The following SAMD12 variants were observed in gnomAD, a reference collection of about 807,000 sequenced individuals.
SAMD12 encodes the protein sterile alpha motif domain-containing protein 12.
SAMD12 carries 9 observed loss-of-function variants against 15.0 expected under a neutral mutation model. The observed-to-expected ratio is 0.60, with a 90% CI of 0.36 to 1.05. SAMD12 has a LOEUF of 1.05. SAMD12 is among the 50% of genes least tolerant of loss of function. The probability of loss-of-function intolerance (pLI) is 0.01; values close to 1 mark genes in which losing one functional copy is unlikely to be tolerated. For synonymous variants in SAMD12, 86 were observed against 90.1 expected (o/e 0.96, Z 0.25); for missense variants, 230 against 234.2 (o/e 0.98, Z 0.12).
chr8:118,507,339 C>G (rs897208028), intron 2 of SAMD12, among the ~76,000 whole-genome samples: 2 of 152,086 alleles, frequency 1.3e-5, no homozygotes, highest in Non-Finnish European at 2.9e-5. Flanking sequence ...ATTATAATCA[C>G]CTGTATATAT....
At chr8:118,621,234 CTT>C (rs1386291555) in intron 1 of SAMD12, 1 of 153,678 alleles carries the variant, frequency 6.5e-6, no homozygotes, top group African/African-American at 2.4e-5. Flanking sequence ...TGTCTGTAAA[CTT>C]TGCTAAGCCC....
chr8:118,599,051 G>A (rs1827792800), intron 1 of SAMD12, among the ~76,000 whole-genome samples: 1 of 152,188 alleles, frequency 6.6e-6, no homozygotes, highest in Non-Finnish European at 1.5e-5. Context: ...AGTACTTGGC[G>A]ATTCTGCTTT....
chr8:118,203,823 C>T (rs1183179733), intron 4 of SAMD12, among the ~76,000 whole-genome samples: 2 of 149,492 alleles, frequency 1.3e-5, no homozygotes, highest in African/African-American at 4.9e-5. Flanking sequence ...TGAGTGAGAA[C>T]ATGCGGTGTT....
chr8:118,415,733 G>T (rs886474612), intron 3 of SAMD12, among the ~76,000 whole-genome samples: 4 of 152,070 alleles, frequency 2.6e-5, no homozygotes, highest in Admixed American at 6.6e-5. Flanking sequence ...GGATAAACAG[G>T]CTTCTTTTCC....
chr8:118,204,578 C>T (rs1350247935), intron 4 of SAMD12, among the ~76,000 whole-genome samples: 1 of 152,018 alleles, frequency 6.6e-6, no homozygotes, highest in African/African-American at 2.4e-5. Flanking sequence ...CATGGTGAAA[C>T]CCCATCTCCA....
rs1019523041 is a variant in SAMD12 at position 118,378,956 on chromosome 8, T to C, written c.*461A>G. On this transcript the variant is annotated 3_prime_UTR_variant, in exon 4 of 4. Coordinates refer to ENST00000314727, the MANE Select transcript of SAMD12 (RefSeq NM_207506.3). ...GTTTTAGATTCACTATAGTCTATTA[T>C]AAAAATTATTCCACTTTCAAGAAGC... 8.4e-6 allele frequency: 8 copies of C among 953,470 alleles called. No individual in the cohort carries two copies. The highest frequency in any genetic ancestry group is 1.8e-5 in the African/African-American group (1 of 56,436). 59.1% of individuals were successfully genotyped at this position (953,470 alleles called of 1,614,324 possible). A position where few individuals can be genotyped will look rare whatever the true frequency, so the allele number is the denominator to read the frequency against.
chr8:118,407,963 C>T (rs1307635789), intron 3 of SAMD12, among the ~76,000 whole-genome samples: 1 of 152,122 alleles, frequency 6.6e-6, no homozygotes, highest in Non-Finnish European at 1.5e-5. Flanking sequence ...GGACTTCGTT[C>T]TCACTGTGAA....
intron 3 of SAMD12, among the ~76,000 whole-genome samples, chr8:118,428,423 G>GA (rs1822301084): frequency 6.8e-6 from 1 of 146,312 alleles, no homozygotes; most frequent in African/African-American, 2.8e-5. Flanking sequence ...AGAAAGAAAA[G>GA]AAAAGAAAAA....
intron 4 of SAMD12, among the ~76,000 whole-genome samples, chr8:118,342,893 C>T (rs1240919465): frequency 1.3e-5 from 2 of 152,130 alleles, no homozygotes; most frequent in Non-Finnish European, 2.9e-5. Flanking sequence ...ATGGTGCCTC[C>T]TTTGAGGAGT....
intron 2 of SAMD12, among the ~76,000 whole-genome samples, chr8:118,490,998 T>C (rs1340754663): frequency 6.6e-6 from 1 of 151,830 alleles, no homozygotes. Context: ...GTTATATAAT[T>C]CTACAAAGTA....
At chr8:118,169,215 A>G in the SAMD12 span, among the ~76,000 whole-genome samples, 1 of 152,198 alleles carries the variant, frequency 6.6e-6, no homozygotes, top group Non-Finnish European at 1.5e-5. Flanking sequence ...AGTTGAAATT[A>G]TAAAAATTAA....
At chr8:118,475,423 G>A (rs947537545) in intron 2 of SAMD12, among the ~76,000 whole-genome samples, 1 of 152,140 alleles carries the variant, frequency 6.6e-6, no homozygotes, top group African/African-American at 2.4e-5. Context: ...CTGCAGAACT[G>A]TGAGCCAAAT....
chr8:118,593,971 ATTTAG>A (rs1016346573), intron 1 of SAMD12, among the ~76,000 whole-genome samples: 19 of 152,282 alleles, frequency 1.2e-4, no homozygotes, highest in Middle Eastern at 3.4e-3. Flanking sequence ...GCGACTTCCT[ATTTAG>A]TTATTTTAGA....
At chr8:118,501,168 C>T (rs926143972) in intron 2 of SAMD12, among the ~76,000 whole-genome samples, 3 of 152,170 alleles carry the variant, frequency 2.0e-5, no homozygotes, top group African/African-American at 7.2e-5. Flanking sequence ...TTCCCTTTAC[C>T]TATTCTCTCT....
At chr8:118,157,154 C>G in the SAMD12 span, among the ~76,000 whole-genome samples, 2 of 152,096 alleles carry the variant, frequency 1.3e-5, no homozygotes, top group African/African-American at 4.8e-5. Flanking sequence ...TCAGGGGTAG[C>G]AATCAAAACT....
chr8:118,455,951 C>T lies in SAMD12; in HGVS notation c.193-15990G>A, dbSNP rs181639204. ...CAACTATTTCTCACCTAGACTCTGG[C>T]AATAACCTCCTATTTTCCAAATTCC... On this transcript the variant is annotated intron_variant, in intron 2 of 3. Transcript: ENST00000314727. 6.8e-4 allele frequency among the ~76,000 whole-genome samples: 103 copies of T among 152,336 alleles called. 1 individual carries two copies. The East Asian group carries it at 0.019, about 28-fold the overall frequency.
In SAMD12 at chr8:118,248,526, A is replaced by T. The variant is rs1812747742; in HGVS notation, c.434-50794T>A. Among the ~76,000 whole-genome samples the T allele has an allele frequency of 2.0e-5, 3 of 152,278 alleles. No homozygotes were observed. In the South Asian group the frequency reaches 6.2e-4, roughly 32 times the overall value. ...TTGATGTCTGATGTCTGCCATGGGC[A>T]CAGAAAGGATCTTATGGCAATCATG... On this transcript the variant is annotated intron_variant, in intron 4 of 4. Transcript: ENST00000409003.
chr8:118,180,684 C>G, the SAMD12 span, among the ~76,000 whole-genome samples: 1 of 151,824 alleles, frequency 6.6e-6, no homozygotes, highest in African/African-American at 2.4e-5. Flanking sequence ...GCAATCCTCC[C>G]AGCTCCGCCT....
At chr8:118,146,753 C>T in the SAMD12 span, among the ~76,000 whole-genome samples, 1 of 152,276 alleles carries the variant, frequency 6.6e-6, no homozygotes, top group Non-Finnish European at 1.5e-5. Flanking sequence ...TGACGAGCCA[C>T]ACTGGGTTTT....
Sources: allele counts gnomAD v4.1 joint callset (sites outside exome capture counted in the v4.1 genomes callset), GRCh38; gene constraint gnomAD v4.1.1; transcripts MANE v1.5; gene names NCBI Gene and HGNC (gene_info 2026-07-23, HGNC 2026-07-21).